Variants in MX2 observed in about 807,000 individuals in gnomAD.
The protein encoded by MX2 is MX dynamin like GTPase 2.
A neutral mutation model predicts 74.0 loss-of-function variants in MX2; 51 were observed. The observed-to-expected ratio is 0.69, with a 90% CI of 0.55 to 0.87. MX2 has a LOEUF of 0.87. Among genes scored for constraint, MX2 ranks in the 40% least tolerant of loss-of-function variants. The pLI is 0.00. For synonymous variants in MX2, 369 were observed against 339.3 expected, an observed-to-expected ratio of 1.09 and a Z score of -0.96; for missense variants, 832 against 908.7, an observed-to-expected ratio of 0.92 and a Z score of 1.09.
chr21:41,405,942 G>A (rs2089880368), intron 12 of MX2, among the ~76,000 whole-genome samples: 1 of 151,726 alleles, frequency 6.6e-6, no homozygotes, highest in African/African-American at 2.4e-5. Flanking sequence ...GACCTCAGGT[G>A]ACCCACCTGC....
rs1025180826 is a variant in MX2 at position 41,408,209 on chromosome 21, A to G, written c.2124A>G (p.Gln708=). 1.2e-6 allele frequency: 2 copies of G among 1,614,154 alleles called. No homozygotes were observed. Among genetic ancestry groups the G allele is most frequent in the East Asian group, 2.2e-5 (1 of 44,878 alleles). The change falls in exon 14 of 14, where the codon CAA becomes CAG. Residue 708 remains glutamine, a synonymous_variant. Coordinates refer to ENST00000330714, the MANE Select transcript of MX2 (RefSeq NM_002463.2). The stretch of plus-strand genomic sequence containing the variant: ...CTCAGGCGCGACACGCACTCTGTCA[A>G]TTCTCCAGCAAAGAGATCCACTGAA... ...RLTQARHALC[Q]FSSKEIH
chr21:41,399,410 A>G (rs991742656), intron 10 of MX2, 73 bp downstream of exon 10: 24 of 1,483,866 alleles, frequency 1.6e-5, no homozygotes, highest in Non-Finnish European at 2.0e-5. Flanking sequence ...CCAGCACATG[A>G]TAAGTGTGCC....
In MX2 at chr21:41,402,193, T is replaced by C. The variant is rs539623347; in HGVS notation, c.1573+65T>C. On this transcript the variant is annotated intron_variant, in intron 11 of 13. Transcript: ENST00000330714. This position sits in a 1 kb window ranked among gnomAD's most constrained non-coding sequence, Gnocchi z 4.5. ...ATACCTTCCATAGACCCCAGTGCCT[T>C]GGAGGGAGAGATTGGAATGGAGTTA... The C allele has an allele frequency of 2.0e-6, 3 of 1,529,002 alleles. No homozygotes were observed. Among genetic ancestry groups the C allele is most frequent in the Non-Finnish European group, 2.6e-6 (3 of 1,135,242 alleles). The allele number at this position is 1,529,002 out of a possible 1,614,324, so 94.7% of individuals were successfully genotyped here.
In MX2 at chr21:41,408,581, C is replaced by A. The variant is rs1056647826; in HGVS notation, c.*348C>A. On this transcript the variant is annotated 3_prime_UTR_variant, in exon 14 of 14. Coordinates refer to ENST00000330714, the MANE Select transcript of MX2 (RefSeq NM_002463.2). ...GACCCCAGAGGGGGAAGGTCTGGGT[C>A]AAATTCTTCTTTTGTATGTCCAGTC... 1.8e-4 allele frequency: 45 copies of A among 248,682 alleles called. No homozygotes were observed. The highest frequency in any genetic ancestry group is 3.9e-5 in the Non-Finnish European group (5 of 129,132). The allele number at this position is 248,682 out of a possible 1,614,324, so 15.4% of individuals were successfully genotyped here. A position where few individuals can be genotyped will look rare whatever the true frequency, so the allele number is the denominator to read the frequency against.
intron 5 of MX2, among the ~76,000 whole-genome samples, chr21:41,389,134 G>T (rs572117093): frequency 1.3e-5 from 2 of 151,816 alleles, no homozygotes. Flanking sequence ...GACGATCAAC[G>T]TTAAAACTTG....
At position 41,368,494 on chromosome 21, in the gene MX2, G is replaced by A. The variant is rs973219582; in HGVS notation, c.-72+6439G>A. On this transcript the variant is annotated intron_variant, in intron 1 of 13. Transcript: ENST00000330714. The surrounding 1 kb of genome is among the most constrained non-coding windows in gnomAD (Gnocchi z 4.6). ...TCTCATCCCCTACATGTCACCCCAC[G>A]GCTCACTCCTGCCTCCGACCTTCAC... is the stretch of plus-strand genomic sequence containing the variant. 1.3e-5 allele frequency among the ~76,000 whole-genome samples: 2 copies of A among 152,016 alleles called. No individual in the cohort carries two copies. The highest frequency in any genetic ancestry group is 6.5e-5 in the Admixed American group (1 of 15,282).
At chr21:41,377,656 C>T in intron 2 of MX2, 133 bp from the exon 3 acceptor site, 1 of 893,970 alleles carries the variant, frequency 1.1e-6, no homozygotes, top group South Asian at 1.7e-5. Flanking sequence ...AGCAGCACCC[C>T]TCCATCCACC....
intron 12 of MX2, chr21:41,404,873 C>CAAAAAAAAAAAAAAAAAA (rs547207365): frequency 3.9e-4 from 27 of 68,956 alleles, no homozygotes; most frequent in Admixed American, 7.5e-4. Flanking sequence ...CACATATACT[C>CAAAAAAAAAAAAAAAAAA]AAAAAAAAAA....
At position 41,377,100 on chromosome 21, in the gene MX2, T is replaced by G. The variant is rs921328655; in HGVS notation, c.194T>G (p.Phe65Cys). 3 of 1,614,080 alleles carry G rather than the reference T, an allele frequency of 1.9e-6. No individual in the cohort carries two copies. The highest frequency in any genetic ancestry group is 2.5e-6 in the Non-Finnish European group (3 of 1,180,010). Reference protein sequence around the residue: ...DAAFLAKDFNFLTLNNQPPPG... With the variant: ...DAAFLAKDFNCLTLNNQPPPG... The stretch of plus-strand genomic sequence containing the variant: ...GCTTTCCTCGCCAAGGACTTCAACT[T>G]TCTCACTTTGAACAATCAGCCACCA... Residue 65 changes from phenylalanine (F) to cysteine (C), a missense_variant, in exon 2 of 14, where the codon TTT (phenylalanine) becomes TGT (cysteine). Coordinates refer to ENST00000330714, the MANE Select transcript of MX2 (RefSeq NM_002463.2).
chr21:41,365,930 C>G (rs908211595), intron 1 of MX2: 4 of 152,574 alleles, frequency 2.6e-5, no homozygotes, highest in African/African-American at 9.6e-5. Flanking sequence ...CTGGATTTGT[C>G]TCAGTCGCCC....
At chr21:41,395,162 A>G (rs113794369) in intron 6 of MX2, among the ~76,000 whole-genome samples, 7 of 152,110 alleles carry the variant, frequency 4.6e-5, no homozygotes, top group African/African-American at 1.7e-4. Flanking sequence ...GGGGAGAGGA[A>G]AGTGGGAAGG....
chr21:41,379,139 C>A (rs2089453423), intron 3 of MX2, among the ~76,000 whole-genome samples: 1 of 152,220 alleles, frequency 6.6e-6, no homozygotes, highest in South Asian at 2.1e-4. Flanking sequence ...TCAGCCTGGG[C>A]ACAAGGCAGG....
chr21:41,397,652 G>A lies in MX2; in HGVS notation c.1110G>A (p.Leu370=). The change falls in exon 8 of 14, where the codon CTG becomes CTA. Residue 370 remains leucine, a synonymous_variant. Transcript: ENST00000330714. ...LEEGSATVPR[L]AERLTTELIM... ...AGGGGTCAGCCACGGTTCCCCGACTGGCAGAAAGACTTACCACTGAACTCA... is the reference window on the plus strand; with the variant it reads ...AGGGGTCAGCCACGGTTCCCCGACTAGCAGAAAGACTTACCACTGAACTCA... The A allele has an allele frequency of 6.2e-7, 1 of 1,614,086 alleles. No homozygotes were observed. The highest frequency in any genetic ancestry group is 8.5e-7 in the Non-Finnish European group (1 of 1,179,978).
At chr21:41,390,508 G>A (rs2089642765) in intron 5 of MX2, 57 bp from the exon 6 acceptor site, 1 of 1,607,876 alleles carries the variant, frequency 6.2e-7, no homozygotes. Flanking sequence ...TGGCCGTGCT[G>A]CTGAGTGACC....
intron 5 of MX2, among the ~76,000 whole-genome samples, chr21:41,386,822 G>C (rs2089584430): frequency 6.6e-6 from 1 of 152,208 alleles, no homozygotes; most frequent in South Asian, 2.1e-4. Flanking sequence ...TCAGGAGCCT[G>C]AACTCCCCAG....
intron 5 of MX2, among the ~76,000 whole-genome samples, chr21:41,387,344 G>A (rs972058442): frequency 1.3e-5 from 2 of 152,200 alleles, no homozygotes; most frequent in Admixed American, 6.5e-5. Context: ...ATTCTTGGCC[G>A]ATTTGTCTCC....
chr21:41,387,157 T>C (rs2089590357), intron 5 of MX2, among the ~76,000 whole-genome samples: 1 of 152,216 alleles, frequency 6.6e-6, no homozygotes, highest in Non-Finnish European at 1.5e-5. Flanking sequence ...CCAAAGGCAC[T>C]GCCAAGGTCA....
intron 1 of MX2, chr21:41,372,899 T>C (rs578257524): frequency 6.6e-6 from 1 of 152,352 alleles, no homozygotes; most frequent in African/African-American, 2.4e-5. Context: ...ACGCAGGAAA[T>C]GCTTTCGCCA....
chr21:41,394,212 C>T (rs1012486483), intron 6 of MX2, among the ~76,000 whole-genome samples: 4 of 152,202 alleles, frequency 2.6e-5, no homozygotes, highest in African/African-American at 4.8e-5. Flanking sequence ...ATATAAACCC[C>T]GGACTCCTTT....
Sources: gnomAD v4.1 joint callset for allele counts (sites outside exome capture counted in the v4.1 genomes callset) on GRCh38, gnomAD v4.1.1 for gene constraint, Gnocchi (gnomAD v3.1) non-coding constraint, MANE v1.5 for transcripts, NCBI Gene and HGNC (gene_info 2026-07-23, HGNC 2026-07-21) for gene names.